The following QTMAN variants were observed in gnomAD, a reference collection of about 807,000 sequenced individuals.
QTMAN encodes the protein tRNA-queuosine alpha-mannosyltransferase.
chr2:144,101,301 G>C, the QTMAN span, among the ~76,000 whole-genome samples: 1 of 151,960 alleles, frequency 6.6e-6, no homozygotes, highest in Non-Finnish European at 1.5e-5. Flanking sequence ...AAATCCCATG[G>C]ACCTTTGTAC....
At chr2:143,991,015 T>G in the QTMAN span, among the ~76,000 whole-genome samples, 2 of 151,860 alleles carry the variant, frequency 1.3e-5, no homozygotes, top group African/African-American at 4.8e-5. Flanking sequence ...CAACAAAGCT[T>G]AAGAGAGGAT....
At chr2:144,161,006 G>A in the QTMAN span, among the ~76,000 whole-genome samples, 2 of 152,024 alleles carry the variant, frequency 1.3e-5, no homozygotes, top group Non-Finnish European at 2.9e-5. Context: ...GAAAATGCTG[G>A]AAATCCTCTA....
the QTMAN span, among the ~76,000 whole-genome samples, chr2:144,174,448 A>AT: frequency 2.0e-5 from 3 of 151,844 alleles, no homozygotes; most frequent in South Asian, 2.1e-4. Flanking sequence ...GATTTTGTCC[A>AT]TTTTTTTTGT....
chr2:144,286,042 A>G, the QTMAN span, among the ~76,000 whole-genome samples: 1 of 152,182 alleles, frequency 6.6e-6, no homozygotes, highest in Non-Finnish European at 1.5e-5. Context: ...AGGTCTTCGC[A>G]GCTTCTCCCT....
At chr2:144,002,856 C>G in the QTMAN span, among the ~76,000 whole-genome samples, 2 of 151,992 alleles carry the variant, frequency 1.3e-5, no homozygotes, top group African/African-American at 4.8e-5. Flanking sequence ...ATTAAACATT[C>G]AACTTTTCCA....
the QTMAN span, among the ~76,000 whole-genome samples, chr2:144,063,056 TCAGG>T: frequency 6.6e-6 from 1 of 152,166 alleles, no homozygotes; most frequent in East Asian, 1.9e-4. Flanking sequence ...GATATTTTTG[TCAGG>T]CAGGTCTATG....
the QTMAN span, among the ~76,000 whole-genome samples, chr2:144,304,662 C>A: frequency 6.6e-6 from 1 of 152,216 alleles, no homozygotes; most frequent in Non-Finnish European, 1.5e-5. Context: ...CCAGGCTGGT[C>A]TTGTACTCCT....
the QTMAN span, among the ~76,000 whole-genome samples, chr2:144,132,782 C>T: frequency 1.3e-5 from 2 of 151,580 alleles, no homozygotes; most frequent in East Asian, 1.9e-4. Context: ...GCCAAAAAGC[C>T]GATCAATAGA....
chr2:144,132,706 C>T, the QTMAN span, among the ~76,000 whole-genome samples: 1 of 151,658 alleles, frequency 6.6e-6, no homozygotes, highest in Non-Finnish European at 1.5e-5. Flanking sequence ...TACAGAATTA[C>T]TAGAGTTTTC....
At chr2:144,212,932 C>T in the QTMAN span, among the ~76,000 whole-genome samples, 2 of 152,102 alleles carry the variant, frequency 1.3e-5, no homozygotes, top group Non-Finnish European at 2.9e-5. Context: ...ATAGAAATTT[C>T]ATACCACTTC....
the QTMAN span, among the ~76,000 whole-genome samples, chr2:144,093,313 T>A: frequency 1.3e-5 from 2 of 152,234 alleles, no homozygotes; most frequent in African/African-American, 4.8e-5. Context: ...ATACACCTGC[T>A]GTGACATAAA....
chr2:144,114,288 C>T, the QTMAN span, among the ~76,000 whole-genome samples: 2 of 152,278 alleles, frequency 1.3e-5, no homozygotes, highest in African/African-American at 4.8e-5. Context: ...AAGGCACAGA[C>T]ACCATACTTT....
the QTMAN span, among the ~76,000 whole-genome samples, chr2:144,052,450 A>G: frequency 6.0e-4 from 91 of 152,310 alleles, no homozygotes; most frequent in African/African-American, 2.1e-3. Context: ...AGTCCTTAAT[A>G]TGTGCTTGCT....
At chr2:144,008,586 G>A in the QTMAN span, among the ~76,000 whole-genome samples, 1 of 152,010 alleles carries the variant, frequency 6.6e-6, no homozygotes, top group Non-Finnish European at 1.5e-5. Context: ...CAGAGTTCCT[G>A]AGCCCCATCC....
chr2:144,144,895 A>G, the QTMAN span, among the ~76,000 whole-genome samples: 11 of 151,932 alleles, frequency 7.2e-5, no homozygotes, highest in East Asian at 2.1e-3. Context: ...TTATGTGAAT[A>G]GGATCCAATA....
the QTMAN span, among the ~76,000 whole-genome samples, chr2:144,315,404 C>T: frequency 6.6e-6 from 1 of 152,136 alleles, no homozygotes; most frequent in African/African-American, 2.4e-5. Flanking sequence ...CATAAATGTT[C>T]CCAGAACAAA....
chr2:144,137,474 TGTCA>T, the QTMAN span, among the ~76,000 whole-genome samples: 1 of 152,114 alleles, frequency 6.6e-6, no homozygotes, highest in Non-Finnish European at 1.5e-5. Context: ...TTTTTACTGC[TGTCA>T]GTGAGACTGC....
At chr2:144,044,738 G>C in the QTMAN span, among the ~76,000 whole-genome samples, 1 of 152,078 alleles carries the variant, frequency 6.6e-6, no homozygotes, top group South Asian at 2.1e-4. Context: ...GATAACCCAG[G>C]CACCAGATAA....
the QTMAN span, among the ~76,000 whole-genome samples, chr2:144,045,508 C>T: frequency 6.6e-6 from 1 of 152,236 alleles, no homozygotes; most frequent in Admixed American, 6.5e-5. Flanking sequence ...AACTAGAAGG[C>T]ATAATGCAGG....
Sources: gnomAD v4.1 joint callset for allele counts (sites outside exome capture counted in the v4.1 genomes callset) on GRCh38, gnomAD v4.1.1 for gene constraint, MANE v1.5 for transcripts, NCBI Gene and HGNC (gene_info 2026-07-23, HGNC 2026-07-21) for gene names.